The following ANK3 variants were observed in gnomAD, a reference collection of about 807,000 sequenced individuals.
ANK3 encodes the protein ankyrin-3.
Under a neutral mutation model 370.9 loss-of-function variants are expected in ANK3, and 57 were observed. That is an observed-to-expected ratio of 0.15 (90% CI 0.12 to 0.19). The LOEUF is 0.19. Among genes scored for constraint, ANK3 ranks in the 10% least tolerant of loss-of-function variants. ANK3 has a pLI of 1.00. For missense variants in ANK3, 4,439 were observed against 5,302.1 expected (o/e 0.84, Z 5.06); for synonymous variants, 1,929 against 1,946.3 (o/e 0.99, Z 0.23).
At position 60,263,850 on chromosome 10, in the gene ANK3, T is replaced by C; in HGVS notation, c.684A>G (p.Ala228=). The change falls in exon 6 of 44, where the codon GCA becomes GCG. Residue 228 remains alanine, a synonymous_variant. Transcript: ENST00000280772. ...AALLLQNDNN[A]DVESKSGFTP... ...CGTGCCTCACCTTTGATTCCACATCTGCATTGTTGTCATTCTGCAGCAGCA... is the reference window on the plus strand; with the variant it reads ...CGTGCCTCACCTTTGATTCCACATCCGCATTGTTGTCATTCTGCAGCAGCA... 6.2e-7 allele frequency: 1 copy of C among 1,614,072 alleles called. No homozygotes were observed. The highest frequency in any genetic ancestry group is 8.5e-7 in the Non-Finnish European group (1 of 1,180,020).
chr10:60,643,370 C>T (rs1435085113), intron 1 of ANK3, among the ~76,000 whole-genome samples: 1 of 152,146 alleles, frequency 6.6e-6, no homozygotes, highest in Non-Finnish European at 1.5e-5. Flanking sequence ...GTACTGGATG[C>T]TTGCTGCCCT....
Position 60,073,507 on chromosome 10 carries a change from C to T in ANK3, c.7374G>A (p.Gly2458=), listed in dbSNP as rs1422245602. Residue 2458 remains glycine (G), a synonymous_variant, in exon 37 of 44, where the codon GGG becomes GGA. Transcript: ENST00000280772. ...YHDDELSELR[G]ESYRFAEKML... ...TTTTCTCAGCAAACCTGTAAGACTC[C>T]CCTCTTAGTTCTGACAACTCATCGT... is the stretch of plus-strand genomic sequence containing the variant. 1.2e-6 allele frequency: 2 copies of T among 1,614,004 alleles called. No individual in the cohort carries two copies. The highest frequency in any genetic ancestry group is 1.7e-6 in the Non-Finnish European group (2 of 1,180,000).
At chr10:60,493,862 T>C (rs532055112) in intron 2 of ANK3, among the ~76,000 whole-genome samples, 30 of 152,292 alleles carry the variant, frequency 2.0e-4, no homozygotes, top group Non-Finnish European at 3.7e-4. Context: ...TCTTTGGTAA[T>C]ACTAACATTT....
intron 2 of ANK3, among the ~76,000 whole-genome samples, chr10:60,477,626 A>G (rs953191122): frequency 1.4e-4 from 21 of 151,978 alleles, no homozygotes; most frequent in African/African-American, 4.8e-4. Context: ...AAGCACAGTA[A>G]CATAATAATA....
chr10:60,578,225 A>G (rs889656051), intron 2 of ANK3, among the ~76,000 whole-genome samples: 1 of 152,234 alleles, frequency 6.6e-6, no homozygotes, highest in African/African-American at 2.4e-5. Flanking sequence ...TTAGTAAAAT[A>G]GGGAGACACA....
chr10:60,305,372 A>C, intron 1 of ANK3, among the ~76,000 whole-genome samples: 1 of 151,470 alleles, frequency 6.6e-6, no homozygotes, highest in African/African-American at 2.4e-5. Context: ...AGAAAATAAG[A>C]TGTCTGGCTC....
chr10:60,535,786 A>C (rs1715736856), intron 2 of ANK3, among the ~76,000 whole-genome samples: 1 of 152,052 alleles, frequency 6.6e-6, no homozygotes, highest in Non-Finnish European at 1.5e-5. Context: ...TAAAGAGATA[A>C]AAAGTAGATC....
chr10:60,468,485 A>G (rs1474963249), intron 2 of ANK3, among the ~76,000 whole-genome samples: 1 of 152,154 alleles, frequency 6.6e-6, no homozygotes, highest in Non-Finnish European at 1.5e-5. Flanking sequence ...CTGATATTCT[A>G]CAAATCTACA....
chr10:60,512,495 A>C (rs2076112078), intron 2 of ANK3, among the ~76,000 whole-genome samples: 2 of 152,174 alleles, frequency 1.3e-5, no homozygotes, highest in African/African-American at 4.8e-5. Flanking sequence ...CTGAGGAAAT[A>C]GAAAAAAGAT....
At position 60,279,035 on chromosome 10, in the gene ANK3, A is replaced by C; in HGVS notation, c.315+15T>G. 6.2e-7 allele frequency: 1 copy of C among 1,612,954 alleles called. No individual in the cohort carries two copies. The highest frequency in any genetic ancestry group is 8.5e-7 in the Non-Finnish European group (1 of 1,179,046). ...TGGCGAGTGGTTCAAAAAGCATTAA[A>C]TATGTGATACTGACCTTTGTAGCTG... On this transcript the variant is annotated intron_variant, in intron 3 of 43. Coordinates refer to ENST00000280772, the MANE Select transcript of ANK3 (RefSeq NM_020987.5).
Position 60,055,704 on chromosome 10 carries a change from C to T in ANK3, c.13019G>A (p.Arg4340Lys). Residue 4340 changes from arginine to lysine, a missense_variant, in exon 42 of 44, where the codon AGG becomes AAG. By Grantham distance (26) the Arg-to-Lys change is conservative. Coordinates refer to ENST00000280772, the MANE Select transcript of ANK3 (RefSeq NM_020987.5). ...SRTSPADGKPRLSLHEEEGSS... is the reference protein window; with the variant it reads ...SRTSPADGKPKLSLHEEEGSS... The stretch of plus-strand genomic sequence containing the variant: ...CCCCTCTTCTTCATGGAGGCTAAGC[C>T]TTGGCTTGCCATCTGCTGGAGAAGT... 2 of 1,614,086 alleles carry T rather than the reference C, an allele frequency of 1.2e-6. No individual in the cohort carries two copies. Among genetic ancestry groups the T allele is most frequent in the Non-Finnish European group, 1.7e-6 (2 of 1,179,994 alleles).
chr10:60,702,332 C>T (rs1159391651), intron 1 of ANK3, among the ~76,000 whole-genome samples: 1 of 151,750 alleles, frequency 6.6e-6, no homozygotes, highest in Non-Finnish European at 1.5e-5. Context: ...GCCAAATGAC[C>T]TTACAACAAA....
At chr10:60,081,567 G>A (rs771132950) in intron 35 of ANK3, 35 of 416,720 alleles carry the variant, frequency 8.4e-5, no homozygotes, top group South Asian at 6.1e-4. Flanking sequence ...GAGTATCAAA[G>A]ATTTATCAAT....
chr10:60,073,527 C>G lies in ANK3; in HGVS notation c.7354G>C (p.Glu2452Gln), dbSNP rs1163747953. The stretch of plus-strand genomic sequence containing the variant: ...GACTCCCCTCTTAGTTCTGACAACT[C>G]ATCGTCATGGTATTCTATTGAGTGT... ...SQHSIEYHDD[E>Q]LSELRGESYR... The change falls in exon 37 of 44, where the codon GAG (glutamate) becomes CAG (glutamine). Residue 2452 changes from glutamate to glutamine, a missense_variant. Around this residue, in one of 13 missense-constraint regions of ANK3, gnomAD observed 1,601 missense variants for 1,731.7 expected, o/e 0.92. Transcript: ENST00000280772. 6.2e-7 allele frequency: 1 copy of G among 1,614,066 alleles called. No individual in the cohort carries two copies.
intron 16 of ANK3, among the ~76,000 whole-genome samples, chr10:60,190,682 G>T (rs542562705): frequency 2.7e-4 from 41 of 152,272 alleles, no homozygotes; most frequent in Non-Finnish European, 5.9e-4. Flanking sequence ...AAGATTCACT[G>T]CAATTCCTGT....
chr10:60,733,519 G>T (rs1001019049), upstream of ANK3: 8 of 420,096 alleles, frequency 1.9e-5, no homozygotes, highest in African/African-American at 6.2e-5. Flanking sequence ...GTGCCCGCGC[G>T]GGCCGGTGCG....
chr10:60,210,060 G>A (rs889740569), intron 9 of ANK3, among the ~76,000 whole-genome samples: 2 of 152,108 alleles, frequency 1.3e-5, no homozygotes, highest in Non-Finnish European at 2.9e-5. Context: ...CTTGAAGAAC[G>A]GGTCAGATGG....
chr10:60,315,874 A>G (rs2047305252), intron 1 of ANK3, among the ~76,000 whole-genome samples: 1 of 152,230 alleles, frequency 6.6e-6, no homozygotes, highest in Admixed American at 6.5e-5. Context: ...AGATTCTGCC[A>G]GCAAATATTA....
intron 2 of ANK3, among the ~76,000 whole-genome samples, chr10:60,588,285 A>T (rs2077861750): frequency 6.7e-6 from 1 of 149,672 alleles, no homozygotes; most frequent in African/African-American, 2.5e-5. Flanking sequence ...CCCGGGTTCA[A>T]GCAATTCTTC....
Sources: allele counts gnomAD v4.1 joint callset (sites outside exome capture counted in the v4.1 genomes callset), GRCh38; gene constraint gnomAD v4.1.1; regional missense constraint gnomAD v4.1.1; transcripts MANE v1.5; gene names NCBI Gene and HGNC (gene_info 2026-07-23, HGNC 2026-07-21).